NOMO1: variants seen among roughly 807,000 people sequenced by gnomAD.
NOMO1 encodes the protein NODAL modulator 1.
Under a neutral mutation model 133.8 loss-of-function variants are expected in NOMO1, and 40 were observed. The observed-to-expected ratio is 0.30, with a 90% CI of 0.23 to 0.39. NOMO1 has a LOEUF of 0.39. Ranked by LOEUF, NOMO1 falls within the 10% of genes least tolerant of loss-of-function variation. NOMO1 has a pLI of 1.00. For synonymous variants in NOMO1, 236 were observed against 570.5 expected (o/e 0.41, Z 8.36); for missense variants, 462 against 1,419.9 (o/e 0.33, Z 10.84).
chr16:14,843,003 T>C (rs1963628501), intron 3 of NOMO1, among the ~76,000 whole-genome samples: 1 of 144,420 alleles, frequency 6.9e-6, no homozygotes, highest in Admixed American at 7.0e-5. Context: ...TCACTGCAAC[T>C]TCTGCCCGGG....
chr16:14,839,351 C>T (rs1337761400), intron 2 of NOMO1, among the ~76,000 whole-genome samples: 1 of 151,956 alleles, frequency 6.6e-6, no homozygotes, highest in East Asian at 1.9e-4. Flanking sequence ...CCGATGTTTC[C>T]GGCCCTCTTA....
chr16:14,871,998 T>C (rs1964088436), intron 17 of NOMO1, among the ~76,000 whole-genome samples: 2 of 152,018 alleles, frequency 1.3e-5, no homozygotes. Context: ...GTCTGCCATT[T>C]TTGTATTTTT....
intron 11 of NOMO1, among the ~76,000 whole-genome samples, chr16:14,860,194 C>T (rs1476425873): frequency 6.6e-6 from 1 of 151,866 alleles, no homozygotes; most frequent in Admixed American, 6.6e-5. Context: ...TGGTGAAACC[C>T]GGTCTGTACT....
Position 14,889,136 on chromosome 16 carries a change from A to G in NOMO1, c.3365A>G (p.Gln1122Arg), listed in dbSNP as rs1194871792. The G allele has an allele frequency of 6.2e-7, 1 of 1,611,756 alleles. No homozygotes were observed. The highest frequency in any genetic ancestry group is 1.3e-5 in the African/African-American group (1 of 74,850). Residue 1122 changes from glutamine (Q) to arginine (R), a missense_variant, in exon 29 of 31, where the codon CAG becomes CGG. Transcript: ENST00000287667. ...CTGGACTCCACACTCCCCAGATCCCAGTATGACTACATCTTGCCTCAAGTT... is the reference window on the plus strand; with the variant it reads ...CTGGACTCCACACTCCCCAGATCCCGGTATGACTACATCTTGCCTCAAGTT... ...VLLDSTLPRS[Q>R]YDYILPQVSF... is the part of the protein sequence containing the mutation.
chr16:14,884,557 G>C, intron 27 of NOMO1, 75 bp downstream of exon 27: 2 of 1,606,752 alleles, frequency 1.2e-6, no homozygotes, highest in Non-Finnish European at 1.7e-6. Flanking sequence ...GATGTTTTTG[G>C]GTTTGTGCCT....
intron 16 of NOMO1, among the ~76,000 whole-genome samples, chr16:14,869,312 A>G (rs1010870619): frequency 6.7e-6 from 1 of 149,062 alleles, no homozygotes; most frequent in African/African-American, 2.5e-5. Context: ...TAAGATGTAC[A>G]ATAAAATGAT....
At position 14,876,436 on chromosome 16, in the gene NOMO1, G is replaced by C; in HGVS notation, c.2434G>C (p.Glu812Gln). Residue 812 changes from glutamate to glutamine, a missense_variant, in exon 21 of 31, where the codon GAA (glutamate) becomes CAA (glutamine). Coordinates refer to ENST00000287667, the MANE Select transcript of NOMO1 (RefSeq NM_014287.4). Reference sequence around the variant, plus strand: ...AGAAGGCCAGATCCACCCCGAGTTGGAAGGAGTCGAGATTGTCATCAGTGA... The same window carrying C: ...AGAAGGCCAGATCCACCCCGAGTTGCAAGGAGTCGAGATTGTCATCAGTGA... ...FLEGQIHPEL[E>Q]GVEIVISEKG... 1 of 1,611,342 alleles carries C rather than the reference G, an allele frequency of 6.2e-7. No homozygotes were observed. The highest frequency in any genetic ancestry group is 8.5e-7 in the Non-Finnish European group (1 of 1,179,752).
chr16:14,885,150 A>G (rs1444272392), intron 27 of NOMO1, among the ~76,000 whole-genome samples: 1 of 152,090 alleles, frequency 6.6e-6, no homozygotes, highest in Non-Finnish European at 1.5e-5. Context: ...ATCCACCCCA[A>G]AGATCCGATC....
chr16:14,888,844 A>C (rs2151012162), intron 28 of NOMO1: 2 of 535,850 alleles, frequency 3.7e-6, no homozygotes, highest in East Asian at 7.2e-5. Context: ...TACTCATAAA[A>C]AGGCTGCAGG....
chr16:14,867,584 T>C (rs1250635414), intron 15 of NOMO1, among the ~76,000 whole-genome samples: 1 of 144,256 alleles, frequency 6.9e-6, no homozygotes, highest in African/African-American at 2.5e-5. Flanking sequence ...CTCTGTGGCC[T>C]GAAAGGCAGT....
chr16:14,874,179 A>G (rs1296401450), intron 18 of NOMO1, among the ~76,000 whole-genome samples: 1 of 151,664 alleles, frequency 6.6e-6, no homozygotes, highest in Non-Finnish European at 1.5e-5. Flanking sequence ...TGTATTTTCC[A>G]TGAAGGAGCG....
chr16:14,866,540 T>A lies in NOMO1; in HGVS notation c.1670-15T>A. On this transcript the variant is annotated splice_polypyrimidine_tract_variant and intron_variant, in intron 14 of 30. Coordinates refer to ENST00000287667, the MANE Select transcript of NOMO1 (RefSeq NM_014287.4). ...TCCACGCCCATGTATCCGTTTTTGGTGTTTGCTTTTGCAGTAAGCATCATG... is the reference window on the plus strand; with the variant it reads ...TCCACGCCCATGTATCCGTTTTTGGAGTTTGCTTTTGCAGTAAGCATCATG... 1 of 1,610,176 alleles carries A rather than the reference T, an allele frequency of 6.2e-7. No individual in the cohort carries two copies. Among genetic ancestry groups the A allele is most frequent in the Non-Finnish European group, 8.5e-7 (1 of 1,179,740 alleles).
chr16:14,839,207 A>G (rs959557123), intron 2 of NOMO1, among the ~76,000 whole-genome samples: 10 of 151,782 alleles, frequency 6.6e-5, no homozygotes, highest in Admixed American at 4.6e-4. Flanking sequence ...GGCACCTGCC[A>G]CTACACCCAG....
chr16:14,873,546 AGCTGGGG>A (rs1964108427), intron 18 of NOMO1, among the ~76,000 whole-genome samples: 1 of 148,144 alleles, frequency 6.8e-6, no homozygotes, highest in African/African-American at 2.5e-5. Flanking sequence ...CCAGGTTTTT[AGCTGGGG>A]GTGGATTTGC....
chr16:14,836,361 G>A (rs1963508600), intron 1 of NOMO1, among the ~76,000 whole-genome samples: 1 of 152,024 alleles, frequency 6.6e-6, no homozygotes, highest in Non-Finnish European at 1.5e-5. Flanking sequence ...TTTCACACGA[G>A]TCCTTTCCCA....
At chr16:14,835,454 G>A (rs1361790959) in intron 1 of NOMO1, among the ~76,000 whole-genome samples, 2 of 150,680 alleles carry the variant, frequency 1.3e-5, no homozygotes, top group African/African-American at 4.9e-5. Flanking sequence ...GCAAGAGGCC[G>A]CTAAGGCCTC....
intron 4 of NOMO1, among the ~76,000 whole-genome samples, chr16:14,845,091 G>A (rs2151893435): frequency 6.6e-6 from 1 of 151,848 alleles, no homozygotes; most frequent in African/African-American, 2.4e-5. Context: ...GTGCAATCTT[G>A]ACTCACTGCA....
intron 7 of NOMO1, among the ~76,000 whole-genome samples, chr16:14,852,788 G>A (rs1963779207): frequency 6.6e-6 from 1 of 150,588 alleles, no homozygotes; most frequent in South Asian, 2.1e-4. Context: ...ATCACTTGAG[G>A]TCAGGAGTTT....
chr16:14,856,905 G>C (rs1211810493), intron 9 of NOMO1, among the ~76,000 whole-genome samples: 2 of 151,992 alleles, frequency 1.3e-5, no homozygotes, highest in East Asian at 3.9e-4. Flanking sequence ...CATCTGGAGG[G>C]GAGGAGATGG....
Sources: allele counts gnomAD v4.1 joint callset (sites outside exome capture counted in the v4.1 genomes callset), GRCh38; gene constraint gnomAD v4.1.1; transcripts MANE v1.5; gene names NCBI Gene and HGNC (gene_info 2026-07-23, HGNC 2026-07-21).